Variants in PBX1 observed in about 807,000 individuals in gnomAD.
PBX1 encodes the protein PBX homeobox 1.
In PBX1, 6 loss-of-function variants were observed where a neutral mutation model predicts 53.4. That is an observed-to-expected ratio of 0.11 (90% CI 0.06 to 0.22). The LOEUF (loss-of-function observed/expected upper bound fraction) is 0.22. Among genes scored for constraint, PBX1 ranks in the 10% least tolerant of loss-of-function variants. The probability of loss-of-function intolerance (pLI) is 1.00; values close to 1 mark genes in which losing one functional copy is unlikely to be tolerated. For missense variants in PBX1, 251 were observed against 551.4 expected (o/e 0.46, Z 5.46); for synonymous variants, 204 against 212.3 (o/e 0.96, Z 0.34).
At chr1:164,879,377 A>G (rs576142806) in intron 2 of PBX1, among the ~76,000 whole-genome samples, 2 of 152,340 alleles carry the variant, frequency 1.3e-5, no homozygotes, top group Admixed American at 1.3e-4. Flanking sequence ...CAGTGGACTC[A>G]GTGGCTACCT....
intron 2 of PBX1, among the ~76,000 whole-genome samples, chr1:164,728,723 A>T (rs1664827557): frequency 1.3e-5 from 2 of 152,182 alleles, no homozygotes; most frequent in Admixed American, 6.5e-5. Flanking sequence ...GTATATAAAA[A>T]TTTTTTTATT....
intron 2 of PBX1, among the ~76,000 whole-genome samples, chr1:164,616,688 T>A (rs1052625998): frequency 6.6e-6 from 1 of 152,158 alleles, no homozygotes; most frequent in Admixed American, 6.5e-5. Flanking sequence ...GAAAAAAAAA[T>A]CCAAAATTGC....
At chr1:164,668,329 G>C (rs982606506) in intron 2 of PBX1, among the ~76,000 whole-genome samples, 15 of 152,186 alleles carry the variant, frequency 9.9e-5, no homozygotes, top group African/African-American at 3.1e-4. Context: ...ATTGTGTCTT[G>C]ATTTGGGGCG....
At chr1:164,870,612 G>C (rs1672360342) in intron 2 of PBX1, among the ~76,000 whole-genome samples, 1 of 151,978 alleles carries the variant, frequency 6.6e-6, no homozygotes, top group Non-Finnish European at 1.5e-5. Context: ...CCAAAGTGCT[G>C]GGATTACAGG....
At position 164,575,744 on chromosome 1, in the gene PBX1, A is replaced by G. The variant is rs1654177190; in HGVS notation, c.265+12433A>G. 2.0e-5 allele frequency among the ~76,000 whole-genome samples: 3 copies of G among 152,154 alleles called. No individual in the cohort carries two copies. In the South Asian group the frequency reaches 6.2e-4, roughly 32 times the overall value. ...TTTGCATGCAGAGGCTCTAGGGCCA[A>G]TGCACCCTGCTTACATTAATAAATA... On this transcript the variant is annotated intron_variant, in intron 2 of 8. Transcript: ENST00000420696.
Position 164,807,614 on chromosome 1 carries a change from C to T in PBX1, c.774C>T (p.Asn258=). The T allele has an allele frequency of 1.2e-6, 2 of 1,614,130 alleles. No homozygotes were observed. Among genetic ancestry groups the T allele is most frequent in the South Asian group, 2.2e-5 (2 of 91,076 alleles). The change falls in exon 5 of 9, where the codon AAC becomes AAT. Residue 258 remains asparagine, a synonymous_variant. Transcript: ENST00000420696. ...LNEYFYSHLS[N]PYPSEEAKEE... is the part of the protein sequence containing the mutation. ...AATATTTCTATTCCCATCTCAGCAA[C>T]CCTTACCCCAGTGAGGAAGCCAAAG...
At chr1:164,811,209 C>T (rs1212134571) in intron 5 of PBX1, among the ~76,000 whole-genome samples, 3 of 152,144 alleles carry the variant, frequency 2.0e-5, no homozygotes, top group Non-Finnish European at 4.4e-5. Flanking sequence ...AACTGTGTCT[C>T]CACTTGTGTC....
intron 8 of PBX1, among the ~76,000 whole-genome samples, chr1:164,838,900 A>G (rs1671166858): frequency 6.6e-6 from 1 of 152,218 alleles, no homozygotes; most frequent in East Asian, 1.9e-4. Flanking sequence ...TGTGTCAAAC[A>G]TGAGCCTAGT....
chr1:164,830,629 A>G (rs546843868), intron 8 of PBX1, among the ~76,000 whole-genome samples: 2 of 152,312 alleles, frequency 1.3e-5, no homozygotes, highest in East Asian at 3.9e-4. Context: ...TAATTCTTCA[A>G]GCCCAAGCAG....
intron 2 of PBX1, among the ~76,000 whole-genome samples, chr1:164,751,634 G>A (rs1666228449): frequency 7.0e-6 from 1 of 143,408 alleles, no homozygotes; most frequent in East Asian, 2.1e-4. Context: ...CCAGCCTAGA[G>A]TGCAATAGGG....
At chr1:164,726,776 A>G (rs1481473039) in intron 2 of PBX1, among the ~76,000 whole-genome samples, 1 of 152,192 alleles carries the variant, frequency 6.6e-6, no homozygotes, top group Non-Finnish European at 1.5e-5. Context: ...CAGTTCTTCA[A>G]AAAAGAGTTC....
intron 2 of PBX1, among the ~76,000 whole-genome samples, chr1:164,638,339 C>T (rs1490181004): frequency 6.6e-6 from 1 of 152,232 alleles, no homozygotes; most frequent in East Asian, 1.9e-4. Flanking sequence ...TGGAAAAATA[C>T]ACAAGTGCAT....
chr1:164,663,550 G>A (rs779601639), intron 2 of PBX1, among the ~76,000 whole-genome samples: 6 of 152,136 alleles, frequency 3.9e-5, no homozygotes, highest in Non-Finnish European at 8.8e-5. Flanking sequence ...ACTTATCATC[G>A]ACATGCTGTG....
chr1:164,764,939 A>G (rs1052652821), intron 2 of PBX1, among the ~76,000 whole-genome samples: 1 of 152,162 alleles, frequency 6.6e-6, no homozygotes, highest in Non-Finnish European at 1.5e-5. Context: ...GGTTTTTATA[A>G]GCCAAGTTGT....
intron 2 of PBX1, among the ~76,000 whole-genome samples, chr1:164,704,957 C>A (rs1268977029): frequency 6.6e-6 from 1 of 152,146 alleles, no homozygotes; most frequent in African/African-American, 2.4e-5. Flanking sequence ...TTCTTGTTTT[C>A]CCCAACTTCT....
At chr1:164,703,770 T>G (rs1663268814) in intron 2 of PBX1, among the ~76,000 whole-genome samples, 2 of 152,172 alleles carry the variant, frequency 1.3e-5, no homozygotes, top group Non-Finnish European at 2.9e-5. Flanking sequence ...CTAAGAGAGG[T>G]CAGGAAGGGA....
At chr1:164,805,507 A>T (rs1669307332) in intron 4 of PBX1, among the ~76,000 whole-genome samples, 1 of 152,204 alleles carries the variant, frequency 6.6e-6, no homozygotes, top group Non-Finnish European at 1.5e-5. Context: ...CCACCAGCTC[A>T]TTCCAGAGAG....
intron 2 of PBX1, among the ~76,000 whole-genome samples, chr1:164,764,065 C>T (rs555030233): frequency 2.8e-4 from 43 of 152,280 alleles, no homozygotes; most frequent in African/African-American, 1.0e-3. Context: ...GGGCTTCTTA[C>T]TGTCAAAACA....
intron 2 of PBX1, among the ~76,000 whole-genome samples, chr1:164,688,159 A>G (rs2102015020): frequency 6.6e-6 from 1 of 152,108 alleles, no homozygotes; most frequent in African/African-American, 2.4e-5. Context: ...CATTTTCTCA[A>G]CCTTAGGGCT....
Sources: gnomAD v4.1 joint callset for allele counts (sites outside exome capture counted in the v4.1 genomes callset) on GRCh38, gnomAD v4.1.1 for gene constraint, MANE v1.5 for transcripts, NCBI Gene and HGNC (gene_info 2026-07-23, HGNC 2026-07-21) for gene names.